The following BTBD7 variants were observed in gnomAD, a reference collection of about 807,000 sequenced individuals.
BTBD7 encodes BTB domain containing 7, also known as BTB/POZ domain-containing protein 7.
A neutral mutation model predicts 99.9 loss-of-function variants in BTBD7; 38 were observed. The ratio of observed to expected loss-of-function variants is 0.38; its 90% confidence interval spans 0.29 to 0.50. BTBD7 has a LOEUF of 0.50. Ranked by LOEUF, BTBD7 falls within the 20% of genes least tolerant of loss-of-function variation. BTBD7 has a pLI of 0.93. For synonymous variants in BTBD7, 520 were observed against 511.4 expected (o/e 1.02, Z -0.23); for missense variants, 1,170 against 1,394.6 (o/e 0.84, Z 2.57).
intron 3 of BTBD7, among the ~76,000 whole-genome samples, chr14:93,276,692 T>A (rs2052659653): frequency 1.3e-5 from 2 of 152,116 alleles, no homozygotes; most frequent in Admixed American, 1.3e-4. Context: ...GCTGCATGTG[T>A]GTGAAAAGGT....
chr14:93,313,774 T>C (rs530907404), intron 1 of BTBD7, among the ~76,000 whole-genome samples: 89 of 152,186 alleles, frequency 5.8e-4, no homozygotes, highest in African/African-American at 2.0e-3. Context: ...TGCTCTGTTG[T>C]CTAGGCTAGA....
At chr14:93,319,139 G>C (rs2053241161) in intron 1 of BTBD7, among the ~76,000 whole-genome samples, 1 of 152,250 alleles carries the variant, frequency 6.6e-6, no homozygotes, top group Admixed American at 6.5e-5. Context: ...CCAGGCATTT[G>C]AGGTTACAGT....
Position 93,253,730 on chromosome 14 carries a change from T to C in BTBD7, c.1669A>G (p.Lys557Glu), listed in dbSNP as rs768155856. Reference protein sequence around the residue: ...SDMLPTTEGGKSNAWLRQKNA... With the variant: ...SDMLPTTEGGESNAWLRQKNA... ...TTTTGCCGTAACCAGGCATTTGACTTCCCACCTTCTGTTGTAGGAAGCATA... is the reference window on the plus strand; with the variant it reads ...TTTTGCCGTAACCAGGCATTTGACTCCCCACCTTCTGTTGTAGGAAGCATA... The change falls in exon 7 of 11, where the codon AAG (lysine) becomes GAG (glutamate). Residue 557 changes from lysine (K) to glutamate (E), a missense_variant. By Grantham distance (56) the Lys-to-Glu change is moderately conservative. Coordinates refer to ENST00000334746, the MANE Select transcript of BTBD7 (RefSeq NM_001002860.4). The C allele has an allele frequency of 3.1e-6, 5 of 1,613,232 alleles. No homozygotes were observed. In the South Asian group the frequency reaches 4.4e-5, roughly 14 times the overall value.
At chr14:93,302,674 G>A (rs1279520235) in intron 1 of BTBD7, among the ~76,000 whole-genome samples, 2 of 152,014 alleles carry the variant, frequency 1.3e-5, no homozygotes, top group Admixed American at 6.5e-5. Context: ...GTGAAACCCT[G>A]TCTCTACTAA....
intron 3 of BTBD7, among the ~76,000 whole-genome samples, chr14:93,281,509 T>C (rs2052719808): frequency 6.6e-6 from 1 of 152,232 alleles, no homozygotes; most frequent in South Asian, 2.1e-4. Flanking sequence ...ACTTTTAGTA[T>C]TATCTGTGTT....
Position 93,239,919 on chromosome 14 carries a change from A to G in BTBD7, c.*2354T>C, listed in dbSNP as rs1352451773. The G allele has an allele frequency of 1.3e-5, 2 of 152,208 alleles. No homozygotes were observed. The highest frequency in any genetic ancestry group is 4.8e-5 in the African/African-American group (2 of 41,414). The allele number at this position is 152,208 out of a possible 1,614,324, so 9.4% of individuals were successfully genotyped here. On this transcript the variant is annotated 3_prime_UTR_variant, in exon 11 of 11. Transcript: ENST00000334746. ...GATGAGAGTTTTTCTCCCCATCCAA[A>G]TTAGGTCTGTTGAGTCTTACTTGCA...
intron 1 of BTBD7, among the ~76,000 whole-genome samples, chr14:93,300,082 A>G (rs1009998499): frequency 1.3e-5 from 2 of 152,170 alleles, no homozygotes; most frequent in African/African-American, 2.4e-5. Context: ...GGATTCGGTT[A>G]TCTCTGTGTC....
Position 93,263,833 on chromosome 14 carries a change from T to C in BTBD7, c.1323A>G (p.Glu441=), listed in dbSNP as rs751435076. 1 of 1,614,004 alleles carries C rather than the reference T, an allele frequency of 6.2e-7. No individual in the cohort carries two copies. Among genetic ancestry groups the C allele is most frequent in the Admixed American group, 1.7e-5 (1 of 59,998 alleles). ...SQVMTSDVFY[E]LSKDHLLTAI... Reference sequence around the variant, plus strand: ...CAGTAAGCAGATGGTCTTTGCTGAGTTCATAAAAAACATCCGAAGTCATGA... The same window carrying C: ...CAGTAAGCAGATGGTCTTTGCTGAGCTCATAAAAAACATCCGAAGTCATGA... The change falls in exon 4 of 11, where the codon GAA becomes GAG. Residue 441 remains glutamate (E), a synonymous_variant. Coordinates refer to ENST00000334746, the MANE Select transcript of BTBD7 (RefSeq NM_001002860.4).
At chr14:93,328,081 C>T (rs1239338347) in intron 1 of BTBD7, among the ~76,000 whole-genome samples, 2 of 152,044 alleles carry the variant, frequency 1.3e-5, no homozygotes, top group Non-Finnish European at 2.9e-5. Flanking sequence ...AGACAAAAGA[C>T]TTTTACACTG....
At chr14:93,283,696 T>G (rs2052746603) in intron 3 of BTBD7, among the ~76,000 whole-genome samples, 1 of 152,112 alleles carries the variant, frequency 6.6e-6, no homozygotes, top group African/African-American at 2.4e-5. Context: ...GGATTACAGG[T>G]GTGCGCCACC....
In BTBD7 at chr14:93,293,979, A is replaced by G; in HGVS notation, c.1041T>C (p.Ser347=). ...VDLSVLHCSP[S]VGSLSEVQAL... ...CCTGAACTTCACTGAGACTCCCCAC[A>G]GAGGGGCTACAGTGCAAAACAGAGA... is the stretch of plus-strand genomic sequence containing the variant. Residue 347 remains serine, a synonymous_variant, in exon 3 of 11, where the codon TCT becomes TCC. Transcript: ENST00000334746. 3 of 1,613,820 alleles carry G rather than the reference A, an allele frequency of 1.9e-6. No homozygotes were observed. Among genetic ancestry groups the G allele is most frequent in the South Asian group, 2.2e-5 (2 of 91,074 alleles).
rs115795258 is a variant in BTBD7, at chr14:93,307,438, G to A, written c.-106-11281C>T. ...CCCAAAGTGCTCAGATTACAGGCAC[G>A]AGCCAGCACACCCAGACGTGACTTT... On this transcript the variant is annotated intron_variant, in intron 1 of 10. Transcript: ENST00000334746. Among the ~76,000 whole-genome samples, 691 of 152,288 alleles carry A rather than the reference G, an allele frequency of 4.5e-3. 3 individuals are homozygous for A. The highest frequency in any genetic ancestry group is 0.016 in the African/African-American group (656 of 41,540).
chr14:93,306,188 G>A (rs1285020770), intron 1 of BTBD7, among the ~76,000 whole-genome samples: 1 of 152,190 alleles, frequency 6.6e-6, no homozygotes, highest in African/African-American at 2.4e-5. Context: ...AGAAGGAAAC[G>A]ATGACTGAGG....
chr14:93,273,000 C>T lies in BTBD7; in HGVS notation c.1163-9007G>A, dbSNP rs138610385. On this transcript the variant is annotated intron_variant, in intron 3 of 10. Coordinates refer to ENST00000334746, the MANE Select transcript of BTBD7 (RefSeq NM_001002860.4). ...CCTTTGATCTGGGCTGTGCTTTCGGCATGCACTGTGGGGAATGGGAGGAGA... is the reference window on the plus strand; with the variant it reads ...CCTTTGATCTGGGCTGTGCTTTCGGTATGCACTGTGGGGAATGGGAGGAGA... Among the ~76,000 whole-genome samples the T allele has an allele frequency of 1.5e-4, 23 of 152,262 alleles. No individual in the cohort carries two copies. In the East Asian group the frequency reaches 4.0e-3, roughly 27 times the overall value.
Position 93,316,252 on chromosome 14 carries a change from G to GTCTTTTT in BTBD7, c.-107+16561_-107+16567dup, listed in dbSNP as rs60607358. On this transcript the variant is annotated intron_variant, in intron 1 of 10. Coordinates refer to ENST00000334746, the MANE Select transcript of BTBD7 (RefSeq NM_001002860.4). ...TTACAGGTGCAAGCCACCATGCCCA[G>GTCTTTTT]TCTTTTTTTTTTTAATTTTTTTTAA... is the stretch of plus-strand genomic sequence containing the variant. Among the ~76,000 whole-genome samples the GTCTTTTT allele has an allele frequency of 4.8e-3, 525 of 108,324 alleles. 13 individuals carry two copies. The South Asian group carries it at 0.071, about 15-fold the overall frequency. 71.1% of individuals were successfully genotyped at this position (108,324 alleles called of 152,430 possible).
In BTBD7 at chr14:93,251,490, G is replaced by A. The variant is rs747462916; in HGVS notation, c.1915C>T (p.Pro639Ser). The change falls in exon 8 of 11, where the codon CCT becomes TCT. Residue 639 changes from proline to serine, a missense_variant. Coordinates refer to ENST00000334746, the MANE Select transcript of BTBD7 (RefSeq NM_001002860.4). ...QQISSNQSSP[P>S]SVVANEIPVP... ...GGAATTTCGTTGGCTACAACTGAAG[G>A]AGGGCTTGACTGGTTGCTGCTGATC... 1.2e-6 allele frequency: 2 copies of A among 1,602,820 alleles called. No individual in the cohort carries two copies. Among genetic ancestry groups the A allele is most frequent in the Admixed American group, 3.3e-5 (2 of 59,782 alleles).
intron 3 of BTBD7, among the ~76,000 whole-genome samples, chr14:93,290,299 G>C (rs1466438452): frequency 6.7e-6 from 1 of 148,340 alleles, no homozygotes; most frequent in African/African-American, 2.5e-5. Flanking sequence ...TGCAAGCTTC[G>C]CCTCCTGGGT....
chr14:93,238,398 A>G lies in BTBD7; in HGVS notation c.*3875T>C, dbSNP rs1220602883. ...AGTAAAACACCTTTTAGCAGTGTGCATGTTAAGTCTTTTAGTAAGATTATC... is the reference window on the plus strand; with the variant it reads ...AGTAAAACACCTTTTAGCAGTGTGCGTGTTAAGTCTTTTAGTAAGATTATC... On this transcript the variant is annotated 3_prime_UTR_variant, in exon 11 of 11. Coordinates refer to ENST00000334746, the MANE Select transcript of BTBD7 (RefSeq NM_001002860.4). 6.6e-6 allele frequency: 1 copy of G among 152,616 alleles called. No homozygotes were observed. Among genetic ancestry groups the G allele is most frequent in the Non-Finnish European group, 1.5e-5 (1 of 68,038 alleles). 9.5% of individuals were successfully genotyped at this position (152,616 alleles called of 1,614,324 possible). A position where few individuals can be genotyped will look rare whatever the true frequency, so the allele number is the denominator to read the frequency against.
chr14:93,273,477 T>C lies in BTBD7; in HGVS notation c.1163-9484A>G, dbSNP rs567474308. 1.1e-4 allele frequency among the ~76,000 whole-genome samples: 17 copies of C among 152,240 alleles called. 1 individual carries two copies. Among genetic ancestry groups the C allele is most frequent in the Middle Eastern group, 3.4e-3 (1 of 294 alleles). ...GGCTCCAGACTTAATTTAAAAGATA[T>C]CAGAACTACAAAGGAGATATGAAAG... On this transcript the variant is annotated intron_variant, in intron 3 of 10. Coordinates refer to ENST00000334746, the MANE Select transcript of BTBD7 (RefSeq NM_001002860.4).
Sources: allele counts gnomAD v4.1 joint callset (sites outside exome capture counted in the v4.1 genomes callset), GRCh38; gene constraint gnomAD v4.1.1; transcripts MANE v1.5; gene names NCBI Gene and HGNC (gene_info 2026-07-23, HGNC 2026-07-21).